The following EPSTI1 variants were observed in gnomAD, a reference collection of about 807,000 sequenced individuals.
The protein encoded by EPSTI1 is epithelial stromal interaction 1, also known as epithelial-stromal interaction protein 1.
EPSTI1 carries 66 observed loss-of-function variants against 49.9 expected under a neutral mutation model. That is an observed-to-expected ratio of 1.32 (90% CI 1.08 to 1.62). The LOEUF (loss-of-function observed/expected upper bound fraction) is 1.62, where lower values mean the gene tolerates loss of function less well. Ranked by LOEUF, EPSTI1 falls within the 40% of genes most tolerant of loss-of-function variation. The probability of loss-of-function intolerance (pLI) is 0.00; values close to 1 mark genes in which losing one functional copy is unlikely to be tolerated. For synonymous variants in EPSTI1, 137 were observed against 130.7 expected (o/e 1.05, Z -0.33); for missense variants, 394 against 365.5 (o/e 1.08, Z -0.64).
At chr13:42,969,414 C>T (rs940233826) in intron 2 of EPSTI1, 8 of 467,454 alleles carry the variant, frequency 1.7e-5, no homozygotes, top group African/African-American at 1.6e-4. Flanking sequence ...TTTGAAAAAC[C>T]ACCTGGGCTC....
intron 6 of EPSTI1, among the ~76,000 whole-genome samples, chr13:42,948,288 A>G (rs1455453994): frequency 6.6e-6 from 1 of 152,224 alleles, no homozygotes; most frequent in Non-Finnish European, 1.5e-5. Context: ...GTGCACAGCC[A>G]TGGCAAGGGC....
chr13:42,922,257 C>T lies in EPSTI1; in HGVS notation c.657+4079G>A, dbSNP rs75967486. 0.094 allele frequency among the ~76,000 whole-genome samples: 14,310 copies of T among 152,186 alleles called. 873 individuals are homozygous for T. The highest frequency in any genetic ancestry group is 0.16 in the African/African-American group (6,795 of 41,510). ...GGGTTGCATAATGGCCCCCCAAAGA[C>T]GTCCCAATCCCTGGAATCTGTGAAT... is the stretch of plus-strand genomic sequence containing the variant. On this transcript the variant is annotated intron_variant, in intron 7 of 10. Coordinates refer to ENST00000313624, the MANE Select transcript of EPSTI1 (RefSeq NM_033255.5). This position sits in a 1 kb window ranked among gnomAD's most constrained non-coding sequence, Gnocchi z 4.8.
intron 5 of EPSTI1, among the ~76,000 whole-genome samples, chr13:42,959,884 T>C (rs995076315): frequency 2.0e-5 from 3 of 152,252 alleles, no homozygotes; most frequent in African/African-American, 7.2e-5. Flanking sequence ...GGATGAGGAA[T>C]AGACGGTTGC....
chr13:42,956,036 G>A (rs183329428), intron 5 of EPSTI1, among the ~76,000 whole-genome samples: 3 of 152,298 alleles, frequency 2.0e-5, no homozygotes, highest in Admixed American at 2.0e-4. Context: ...AAATGTTACA[G>A]CCTCGTTGGG....
chr13:42,974,515 C>T (rs1434928022), intron 1 of EPSTI1, among the ~76,000 whole-genome samples: 2 of 151,468 alleles, frequency 1.3e-5, no homozygotes, highest in Non-Finnish European at 2.9e-5. Flanking sequence ...AAAAATTAGC[C>T]GGGCGTGGTG....
At chr13:42,889,120 A>G (rs2036952621) in intron 10 of EPSTI1, 1 of 1,034,290 alleles carries the variant, frequency 9.7e-7, no homozygotes, top group South Asian at 1.4e-5. Context: ...CCCTGAAGAC[A>G]TAGGATTTAG....
chr13:42,898,256 T>C (rs2037253404), intron 9 of EPSTI1, among the ~76,000 whole-genome samples: 3 of 152,224 alleles, frequency 2.0e-5, no homozygotes, highest in Non-Finnish European at 4.4e-5. Flanking sequence ...AATTGTGCCT[T>C]TGGAGAAAAC....
At chr13:42,893,275 C>A (rs1415888858) in intron 10 of EPSTI1, among the ~76,000 whole-genome samples, 1 of 152,146 alleles carries the variant, frequency 6.6e-6, no homozygotes, top group Non-Finnish European at 1.5e-5. Flanking sequence ...CGAGATGGAA[C>A]ATTCAGCAAT....
intron 6 of EPSTI1, among the ~76,000 whole-genome samples, chr13:42,937,671 T>C (rs889872971): frequency 1.3e-5 from 2 of 152,208 alleles, no homozygotes; most frequent in Admixed American, 1.3e-4. Context: ...CAGTCACATC[T>C]TCAGGCTCCA....
intron 1 of EPSTI1, among the ~76,000 whole-genome samples, chr13:42,981,811 C>A (rs1446685722): frequency 6.6e-6 from 1 of 152,044 alleles, no homozygotes; most frequent in African/African-American, 2.4e-5. Flanking sequence ...TGTCAGAGTA[C>A]ATCACATATA....
intron 5 of EPSTI1, among the ~76,000 whole-genome samples, chr13:42,962,619 C>CAA (rs67950561): frequency 0.24 from 31,394 of 132,088 alleles, 4,127 homozygotes; most frequent in Non-Finnish European, 0.31. Flanking sequence ...ACAAAAAATA[C>CAA]AAAAAAAAAA....
intron 6 of EPSTI1, among the ~76,000 whole-genome samples, chr13:42,948,892 AG>A (rs1267783871): frequency 6.6e-6 from 1 of 152,230 alleles, no homozygotes; most frequent in Non-Finnish European, 1.5e-5. Context: ...TAAAATCCCA[AG>A]CCCCCCAACA....
chr13:42,929,125 C>T (rs56661189), intron 6 of EPSTI1, among the ~76,000 whole-genome samples: 24,947 of 152,154 alleles, frequency 0.16, 2,138 homozygotes, highest in South Asian at 0.23. Context: ...TCCTGGCATC[C>T]AGGAACTGAT....
chr13:42,978,448 A>G (rs1486261892), intron 1 of EPSTI1, among the ~76,000 whole-genome samples: 1 of 152,206 alleles, frequency 6.6e-6, no homozygotes, highest in Non-Finnish European at 1.5e-5. Context: ...CTTTCCAAAG[A>G]AGGCAATCAG....
At chr13:42,974,466 G>A (rs528542500) in intron 1 of EPSTI1, among the ~76,000 whole-genome samples, 1 of 152,134 alleles carries the variant, frequency 6.6e-6, no homozygotes, top group Non-Finnish European at 1.5e-5. Context: ...GACCATCCTG[G>A]CTAACACGGT....
intron 8 of EPSTI1, among the ~76,000 whole-genome samples, chr13:42,901,150 G>A (rs1306647758): frequency 6.6e-6 from 1 of 152,104 alleles, no homozygotes; most frequent in Non-Finnish European, 1.5e-5. Context: ...AATGCAAAGA[G>A]AAGAAAATTA....
At chr13:42,984,312 C>T (rs987217364) in intron 1 of EPSTI1, among the ~76,000 whole-genome samples, 1 of 152,166 alleles carries the variant, frequency 6.6e-6, no homozygotes, top group African/African-American at 2.4e-5. Context: ...CATCTATAAG[C>T]AGAATTTTAT....
chr13:42,968,920 ATACACACACACACACAC>A (rs1196217303), intron 3 of EPSTI1, among the ~76,000 whole-genome samples, 157 bp downstream of exon 3: 1 of 101,496 alleles, frequency 9.9e-6, no homozygotes, highest in Admixed American at 1.0e-4. Context: ...AAAAAAAAAA[ATACACACACACACACAC>A]ACACACACAC....
At position 42,888,044 on chromosome 13, in the gene EPSTI1, C is replaced by G. The variant is rs964263877; in HGVS notation, c.*450G>C. On this transcript the variant is annotated 3_prime_UTR_variant, in exon 11 of 11. Coordinates refer to ENST00000313624, the MANE Select transcript of EPSTI1 (RefSeq NM_033255.5). ...GTGTAAAAGAATATAAGACCTTTTT[C>G]TTTTGTACATATTTGTACCATAAAG... 6.9e-6 allele frequency: 3 copies of G among 434,122 alleles called. No homozygotes were observed. Among genetic ancestry groups the G allele is most frequent in the Non-Finnish European group, 1.2e-5 (3 of 250,332 alleles). 26.9% of individuals were successfully genotyped at this position (434,122 alleles called of 1,614,324 possible). A position where few individuals can be genotyped will look rare whatever the true frequency, so the allele number is the denominator to read the frequency against.
Sources: gnomAD v4.1 joint callset for allele counts (sites outside exome capture counted in the v4.1 genomes callset) on GRCh38, gnomAD v4.1.1 for gene constraint, Gnocchi (gnomAD v3.1) non-coding constraint, MANE v1.5 for transcripts, NCBI Gene and HGNC (gene_info 2026-07-23, HGNC 2026-07-21) for gene names.